MUC3A: variants seen among roughly 807,000 people sequenced by gnomAD.
The protein encoded by MUC3A is mucin 3A, cell surface associated.
A neutral mutation model predicts 109.0 loss-of-function variants in MUC3A; 109 were observed. The ratio of observed to expected loss-of-function variants is 1.00; its 90% CI spans 0.86 to 1.17. The LOEUF (loss-of-function observed/expected upper bound fraction) is 1.17. MUC3A is among the 50% of genes most tolerant of loss of function. The pLI is 0.00. For synonymous variants in MUC3A, 1,398 were observed against 981.4 expected (o/e 1.42, Z -7.93); for missense variants, 3,537 against 2,469.4 (o/e 1.43, Z -9.16).
intron 4 of MUC3A, 107 bp downstream of exon 4, chr7:100,963,373 C>A: frequency 1.1e-6 from 1 of 938,862 alleles, no homozygotes; most frequent in Non-Finnish European, 1.6e-6. Context: ...GCAACCTCCG[C>A]CTCCCGGGTT....
intron 1 of MUC3A, among the ~76,000 whole-genome samples, chr7:100,950,775 C>G (rs79165884): frequency 0.17 from 24,956 of 150,484 alleles, 8 homozygotes; most frequent in Non-Finnish European, 0.23. Context: ...AATCCCACGG[C>G]CAAAAGGGAA....
At chr7:100,965,623 T>A (rs1792506002) in intron 7 of MUC3A, 81 bp from the exon 8 acceptor site, 1 of 1,539,692 alleles carries the variant, frequency 6.5e-7, no homozygotes, top group East Asian at 2.3e-5. Context: ...TCCTCGCGCA[T>A]ATTCAGAGGC....
Position 100,965,826 on chromosome 7 carries a change from C to G in MUC3A, c.9571C>G (p.Gln3191Glu). 1 of 1,597,394 alleles carries G rather than the reference C, an allele frequency of 6.3e-7. No homozygotes were observed. Among genetic ancestry groups the G allele is most frequent in the Non-Finnish European group, 8.5e-7 (1 of 1,179,036 alleles). Residue 3191 changes from glutamine (Q) to glutamate (E), a missense_variant, in exon 8 of 12, where the codon CAG becomes GAG. Gln to Glu is a conservative substitution (Grantham distance 29). Transcript: ENST00000379458. Reference protein sequence around the residue: ...SGVDNAIDCHQGQCVLETSGP... With the variant: ...SGVDNAIDCHEGQCVLETSGP... ...GGTGGACAACGCCATCGACTGTCAC[C>G]AGGGCCAGTGCGTTCTGGAGACGAG...
chr7:100,952,142 C>T lies in MUC3A; in HGVS notation c.363C>T (p.Val121=), dbSNP rs1291909194. ...AAACCACTCCACCCACCGTGTTGGT[C>T]TATTCAGCCACCACTGAGTGCGTGT... ...KVETTPPTVL[V]YSATTECVYP... The change falls in exon 2 of 12, where the codon GTC becomes GTT. Residue 121 remains valine, a synonymous_variant. Transcript: ENST00000379458. 1.3e-6 allele frequency: 2 copies of T among 1,598,546 alleles called. No homozygotes were observed. Among genetic ancestry groups the T allele is most frequent in the African/African-American group, 1.3e-5 (1 of 75,080 alleles).
Position 100,963,105 on chromosome 7 carries a change from C to G in MUC3A, c.9053-46C>G, listed in dbSNP as rs531590643. On this transcript the variant is annotated intron_variant, in intron 3 of 11. Coordinates refer to ENST00000379458, the MANE Select transcript of MUC3A (RefSeq NM_005960.2). ...GGGTGGTGGTGTTGGTGGCTTCAGA[C>G]AAAAGCAGACAGAGAAGTGACTGGG... The G allele has an allele frequency of 1.9e-6, 3 of 1,580,416 alleles. No homozygotes were observed. In the African/African-American group the frequency reaches 4.0e-5, roughly 21 times the overall value.
At position 100,956,052 on chromosome 7, in the gene MUC3A, C is replaced by A. The variant is rs965883732; in HGVS notation, c.4273C>A (p.Pro1425Thr). The change falls in exon 2 of 12, where the codon CCT (proline) becomes ACT (threonine). Residue 1425 changes from proline to threonine, a missense_variant. Transcript: ENST00000379458. ...CACCAGTAGCATTTTATCTTCTACA[C>A]CTGTCCCAAGCACAGAGGTGACCAC... ...PLTSSILSST[P>T]VPSTEVTTSH... The A allele has an allele frequency of 4.4e-6, 2 of 458,588 alleles. No homozygotes were observed. The highest frequency in any genetic ancestry group is 7.6e-6 in the Non-Finnish European group (2 of 261,628). The allele number at this position is 458,588 out of a possible 1,614,324, so 28.4% of individuals were successfully genotyped here.
chr7:100,952,125 C>T lies in MUC3A; in HGVS notation c.346C>T (p.Pro116Ser), dbSNP rs1438039541. 1.9e-6 allele frequency: 3 copies of T among 1,598,438 alleles called. No individual in the cohort carries two copies. The highest frequency in any genetic ancestry group is 1.3e-5 in the African/African-American group (1 of 74,960). Residue 116 changes from proline to serine, a missense_variant, in exon 2 of 12, where the codon CCA (proline) becomes TCA (serine). By Grantham distance (74) the Pro-to-Ser change is moderately conservative. Coordinates refer to ENST00000379458, the MANE Select transcript of MUC3A (RefSeq NM_005960.2). ...SKFAFKVETT[P>S]PTVLVYSATT... ...GTTTGCCTTCAAGGTTGAAACCACTCCACCCACCGTGTTGGTCTATTCAGC... is the reference window on the plus strand; with the variant it reads ...GTTTGCCTTCAAGGTTGAAACCACTTCACCCACCGTGTTGGTCTATTCAGC...
In MUC3A at chr7:100,957,120, C is replaced by G. The variant is rs1033281376; in HGVS notation, c.5341C>G (p.Pro1781Ala). 4.3e-6 allele frequency: 2 copies of G among 461,120 alleles called. No homozygotes were observed. The highest frequency in any genetic ancestry group is 3.8e-6 in the Non-Finnish European group (1 of 263,190). 28.6% of individuals were successfully genotyped at this position (461,120 alleles called of 1,614,324 possible). Residue 1781 changes from proline to alanine, a missense_variant, in exon 2 of 12, where the codon CCT becomes GCT. Coordinates refer to ENST00000379458, the MANE Select transcript of MUC3A (RefSeq NM_005960.2). The stretch of plus-strand genomic sequence containing the variant: ...GGTGACTTCGATGACAACTACCACC[C>G]CTCTAGGGCCCACAGCCACTAATAC... ...YTVTSMTTTT[P>A]LGPTATNTLP...
rs1170243774 is a variant in MUC3A, at chr7:100,964,442, A to AG, written c.9234-252dup. Reference sequence around the variant, plus strand: ...ACCACTGCACTCCAGCCTGGGTGACAGCAAGACTTTGTCTCTATAAAACAC... The same window carrying AG: ...ACCACTGCACTCCAGCCTGGGTGACAGGCAAGACTTTGTCTCTATAAAACAC... On this transcript the variant is annotated intron_variant, in intron 5 of 11. Coordinates refer to ENST00000379458, the MANE Select transcript of MUC3A (RefSeq NM_005960.2). 1.3e-5 allele frequency: 7 copies of AG among 551,644 alleles called. No homozygotes were observed. The East Asian group carries it at 2.2e-4, about 17-fold the overall frequency. 34.2% of individuals were successfully genotyped at this position (551,644 alleles called of 1,614,324 possible).
At position 100,952,002 on chromosome 7, in the gene MUC3A, C is replaced by G. The variant is rs550598753; in HGVS notation, c.223C>G (p.Pro75Ala). Residue 75 changes from proline to alanine, a missense_variant, in exon 2 of 12, where the codon CCT becomes GCT. Transcript: ENST00000379458. The stretch of plus-strand genomic sequence containing the variant: ...TGCTCCTGGCCACAGGGAAAATGCA[C>G]CTATGACACTCACTACCTCCCCCCA... ...SPAPGHRENA[P>A]MTLTTSPHDT... 2 of 1,598,670 alleles carry G rather than the reference C, an allele frequency of 1.3e-6. No individual in the cohort carries two copies. Among genetic ancestry groups the G allele is most frequent in the South Asian group, 2.2e-5 (2 of 91,092 alleles).
rs770007554 is a variant in MUC3A, at chr7:100,952,098, A to T, written c.319A>T (p.Lys107Ter). Residue 107 changes from lysine (K) to a stop codon, truncating the protein, a stop_gained, in exon 2 of 12, where the codon AAG becomes TAG. Transcript: ENST00000379458. LOFTEE classifies it high-confidence loss of function. The part of the protein sequence containing the change: ...SSNTSTTPTS[K>*]FAFKVETTPP... Reference sequence around the variant, plus strand: ...CAACACCTCAACCACCCCGACGTCCAAGTTTGCCTTCAAGGTTGAAACCAC... The same window carrying T: ...CAACACCTCAACCACCCCGACGTCCTAGTTTGCCTTCAAGGTTGAAACCAC... 2 of 1,598,518 alleles carry T rather than the reference A, an allele frequency of 1.3e-6. No individual in the cohort carries two copies. Among genetic ancestry groups the T allele is most frequent in the Non-Finnish European group, 1.7e-6 (2 of 1,179,830 alleles).
chr7:100,960,532 G>C lies in MUC3A; in HGVS notation c.8753G>C (p.Arg2918Thr), dbSNP rs1327292460. Residue 2918 changes from arginine to threonine, a missense_variant, in exon 2 of 12, where the codon AGG (arginine) becomes ACG (threonine). Arg to Thr is a moderately conservative substitution (Grantham distance 71, BLOSUM62 -1). Transcript: ENST00000379458. ...KSTHPSPPTT[R>T]TSETPVATTQ... is the part of the protein sequence containing the mutation. ...ACACACCCCTCCCCACCCACCACTAGGACTTCAGAGACACCAGTGGCCACT... is the reference window on the plus strand; with the variant it reads ...ACACACCCCTCCCCACCCACCACTACGACTTCAGAGACACCAGTGGCCACT... The C allele has an allele frequency of 4.4e-6, 7 of 1,598,726 alleles. No homozygotes were observed. Among genetic ancestry groups the C allele is most frequent in the Non-Finnish European group, 5.9e-6 (7 of 1,179,812 alleles).
chr7:100,964,943 T>C, intron 6 of MUC3A, 100 bp downstream of exon 6: 1 of 1,471,776 alleles, frequency 6.8e-7, no homozygotes, highest in Non-Finnish European at 9.0e-7. Flanking sequence ...AGCCCTGTGG[T>C]ACCTCTGGCA....
At position 100,955,795 on chromosome 7, in the gene MUC3A, C is replaced by T. The variant is rs1479585855; in HGVS notation, c.4016C>T (p.Pro1339Leu). The T allele has an allele frequency of 2.3e-6, 1 of 440,262 alleles. No individual in the cohort carries two copies. Among genetic ancestry groups the T allele is most frequent in the African/African-American group, 2.0e-5 (1 of 49,226 alleles). The allele number at this position is 440,262 out of a possible 1,614,324, so 27.3% of individuals were successfully genotyped here. A position where few individuals can be genotyped will look rare whatever the true frequency, so the allele number is the denominator to read the frequency against. The part of the protein sequence containing the change: ...SFTTSPTMEP[P>L]STTVATTGTG... ...ACCACATCCCCAACGATGGAACCAC[C>T]TTCAACCACTGTAGCGACTACAGGC... Residue 1339 changes from proline to leucine, a missense_variant, in exon 2 of 12, where the codon CCT becomes CTT. Pro to Leu is a moderately conservative substitution (Grantham distance 98). Coordinates refer to ENST00000379458, the MANE Select transcript of MUC3A (RefSeq NM_005960.2).
In MUC3A at chr7:100,956,902, C is replaced by T. The variant is rs1792111240; in HGVS notation, c.5123C>T (p.Thr1708Ile). The change falls in exon 2 of 12, where the codon ACA (threonine) becomes ATA (isoleucine). Residue 1708 changes from threonine (T) to isoleucine (I), a missense_variant. Physicochemically the swap from Thr to Ile is moderately conservative, Grantham distance 89. Transcript: ENST00000379458. ...CCTACAACCACCATGTCATTCACAA[C>T]ATTTACAAAGATGGAAACACCTTCA... ...PSPTTTMSFTTFTKMETPSST... is the reference protein window; with the variant it reads ...PSPTTTMSFTIFTKMETPSST... 1 of 412,420 alleles carries T rather than the reference C, an allele frequency of 2.4e-6. No individual in the cohort carries two copies. The allele number at this position is 412,420 out of a possible 1,614,324, so 25.5% of individuals were successfully genotyped here.
At chr7:100,966,249 A>T (rs200445795) in intron 8 of MUC3A, 137 bp from the exon 9 acceptor site, 7 of 555,168 alleles carry the variant, frequency 1.3e-5, no homozygotes, top group South Asian at 9.6e-5. Context: ...GTGGATTCCC[A>T]GCCCCTTGTC....
rs73714238 is a variant in MUC3A at position 100,959,497 on chromosome 7, T to G, written c.7718T>G (p.Ile2573Arg). The G allele has an allele frequency of 6.5e-7, 1 of 1,545,856 alleles. No individual in the cohort carries two copies. The highest frequency in any genetic ancestry group is 1.2e-5 in the South Asian group (1 of 84,694). ...ISSFSTSIVV[I>R]PETPTQTPPV... ...TCCTTTAGCACAAGTATTGTTGTTATACCTGAAACCCCAACACAGACCCCT... is the reference window on the plus strand; with the variant it reads ...TCCTTTAGCACAAGTATTGTTGTTAGACCTGAAACCCCAACACAGACCCCT... Residue 2573 changes from isoleucine (I) to arginine (R), a missense_variant, in exon 2 of 12, where the codon ATA becomes AGA. By Grantham distance (97) the Ile-to-Arg change is moderately conservative. Coordinates refer to ENST00000379458, the MANE Select transcript of MUC3A (RefSeq NM_005960.2).
At chr7:100,962,833 CTTTT>C (rs370441264) in intron 3 of MUC3A, among the ~76,000 whole-genome samples, 3 of 9,888 alleles carry the variant, frequency 3.0e-4, no homozygotes, top group African/African-American at 1.5e-3. Flanking sequence ...TTCTTTCTTT[CTTTT>C]TCTCTCTCTC....
Position 100,960,909 on chromosome 7 carries a change from TGA to T in MUC3A, c.9026_9027del (p.Glu3009ValfsTer31), listed in dbSNP as rs746548395. ...CCAGCACCTTCTATGGTTCCAGTTG[TGA>T]GTTTGCTGTGGAACAGGTGGATCTA... The part of the protein sequence containing the change: ...CPSTFYGSSC[E>X]FAVEQVDLDV... On this transcript the variant is annotated frameshift_variant, in exon 3 of 12. Transcript: ENST00000379458. LOFTEE classifies it high-confidence loss of function. The T allele has an allele frequency of 1.0e-5, 16 of 1,598,140 alleles. No individual in the cohort carries two copies. The highest frequency in any genetic ancestry group is 1.4e-5 in the Non-Finnish European group (16 of 1,179,554).
Sources: allele counts gnomAD v4.1 joint callset (sites outside exome capture counted in the v4.1 genomes callset), GRCh38; gene constraint gnomAD v4.1.1; transcripts MANE v1.5; gene names NCBI Gene and HGNC (gene_info 2026-07-23, HGNC 2026-07-21).